Variants in LURAP1L observed in about 807,000 individuals in gnomAD.
The protein encoded by LURAP1L is leucine rich adaptor protein 1-like.
A neutral mutation model predicts 13.8 loss-of-function variants in LURAP1L; 12 were observed. That is an observed-to-expected ratio of 0.87 (90% CI 0.56 to 1.41). The LOEUF (loss-of-function observed/expected upper bound fraction) is 1.41, where lower values mean the gene tolerates loss of function less well. Ranked by LOEUF, LURAP1L falls within the 40% of genes most tolerant of loss-of-function variation. The pLI is 0.00. For synonymous variants in LURAP1L, 139 were observed against 119.2 expected, an observed-to-expected ratio of 1.17 and a Z score of -1.08; for missense variants, 375 against 292.9, an observed-to-expected ratio of 1.28 and a Z score of -2.04.
At chr9:12,798,129 G>A (rs113435917) in intron 1 of LURAP1L, among the ~76,000 whole-genome samples, 2,111 of 152,200 alleles carry the variant, frequency 0.014, 45 homozygotes, top group African/African-American at 0.049. Context: ...GTATAAAATT[G>A]TAAATGCTTC....
intron 1 of LURAP1L, among the ~76,000 whole-genome samples, chr9:12,815,232 G>A (rs1028551105): frequency 2.0e-5 from 3 of 152,124 alleles, no homozygotes; most frequent in African/African-American, 7.2e-5. Flanking sequence ...TTTGGAGAGA[G>A]GGCAAATTTG....
chr9:12,797,033 C>G (rs372066602), intron 1 of LURAP1L, among the ~76,000 whole-genome samples: 1 of 151,940 alleles, frequency 6.6e-6, no homozygotes, highest in African/African-American at 2.4e-5. Flanking sequence ...CACTGGGGTT[C>G]TTTCTTGTCA....
At chr9:12,821,251 C>T in intron 1 of LURAP1L, 135 bp from the exon 2 acceptor site, 1 of 1,049,182 alleles carries the variant, frequency 9.5e-7, no homozygotes, top group Non-Finnish European at 1.4e-6. Flanking sequence ...TCAAAAAGTT[C>T]CTGACAACCA....
intron 1 of LURAP1L, among the ~76,000 whole-genome samples, chr9:12,784,413 GC>G (rs1819321048): frequency 6.6e-6 from 1 of 152,186 alleles, no homozygotes; most frequent in Non-Finnish European, 1.5e-5. Flanking sequence ...AGCCATATCT[GC>G]CCAAGCCCAA....
intron 1 of LURAP1L, among the ~76,000 whole-genome samples, chr9:12,789,678 A>G (rs897288089): frequency 2.0e-5 from 3 of 152,186 alleles, no homozygotes; most frequent in African/African-American, 7.2e-5. Flanking sequence ...GTTGACAACT[A>G]CTTTAAGAAA....
intron 1 of LURAP1L, among the ~76,000 whole-genome samples, chr9:12,805,704 G>A (rs1323602783): frequency 1.3e-5 from 2 of 152,104 alleles, no homozygotes; most frequent in African/African-American, 4.8e-5. Flanking sequence ...GCTAATTATT[G>A]TCATTCCAAA....
At chr9:12,779,144 A>G (rs768480954) in intron 1 of LURAP1L, among the ~76,000 whole-genome samples, 2 of 152,192 alleles carry the variant, frequency 1.3e-5, no homozygotes, top group Non-Finnish European at 2.9e-5. Flanking sequence ...TAGGTAACTA[A>G]AAGCAAAGCC....
chr9:12,821,015 G>A (rs890651788), intron 1 of LURAP1L, among the ~76,000 whole-genome samples: 3 of 152,008 alleles, frequency 2.0e-5, no homozygotes, highest in African/African-American at 4.8e-5. Context: ...TTCTCCCCAC[G>A]ACTCAGGACC....
chr9:12,802,259 A>G (rs1202744308), intron 1 of LURAP1L, among the ~76,000 whole-genome samples: 1 of 152,076 alleles, frequency 6.6e-6, no homozygotes, highest in Non-Finnish European at 1.5e-5. Context: ...TATGGTTTGG[A>G]TCTGTGTCCC....
At position 12,791,543 on chromosome 9, in the gene LURAP1L, G is replaced by A. The variant is rs553540927; in HGVS notation, c.312+15516G>A. 5.9e-5 allele frequency among the ~76,000 whole-genome samples: 9 copies of A among 151,862 alleles called. No homozygotes were observed. In the South Asian group the frequency reaches 8.3e-4, roughly 14 times the overall value. ...GTTTTGAAATAATTCCAGACTTTAC[G>A]TAAAAATTGCAAAAGAGTACCAAAA... On this transcript the variant is annotated intron_variant, in intron 1 of 1. Transcript: ENST00000319264.
intron 1 of LURAP1L, chr9:12,790,632 G>A (rs1280377772): frequency 2.0e-5 from 3 of 152,188 alleles, no homozygotes; most frequent in Admixed American, 6.5e-5. Context: ...GCTTTGAAAT[G>A]CTGCAGGAGA....
rs1339907328 is a variant in LURAP1L, at chr9:12,801,032, A to ATT, written c.313-20353_313-20352insTT. 2.0e-5 allele frequency among the ~76,000 whole-genome samples: 3 copies of ATT among 152,192 alleles called. No individual in the cohort carries two copies. In the East Asian group the frequency reaches 5.8e-4, roughly 29 times the overall value. ...AAGATCTATTTAATTTTGACTAGGC[A>ATT]TAATGTTAATTATGATACCTAGGTA... On this transcript the variant is annotated intron_variant, in intron 1 of 1. Transcript: ENST00000319264.
At chr9:12,789,713 C>A (rs575442526) in intron 1 of LURAP1L, among the ~76,000 whole-genome samples, 1 of 152,268 alleles carries the variant, frequency 6.6e-6, no homozygotes, top group African/African-American at 2.4e-5. Context: ...TCTACAGTTT[C>A]TTCATAGGGC....
intron 1 of LURAP1L, among the ~76,000 whole-genome samples, chr9:12,785,008 C>T (rs904653370): frequency 6.6e-6 from 1 of 151,816 alleles, no homozygotes; most frequent in Non-Finnish European, 1.5e-5. Context: ...TGCCCTAGGC[C>T]CATGGCAAGT....
chr9:12,803,009 C>A (rs935358930), intron 1 of LURAP1L, among the ~76,000 whole-genome samples: 1 of 152,176 alleles, frequency 6.6e-6, no homozygotes, highest in South Asian at 2.1e-4. Flanking sequence ...AAAAATGAAT[C>A]CATACTTACT....
At chr9:12,791,239 C>A (rs1435659135) in intron 1 of LURAP1L, among the ~76,000 whole-genome samples, 2 of 152,064 alleles carry the variant, frequency 1.3e-5, no homozygotes, top group East Asian at 3.9e-4. Context: ...AAGGAATCGA[C>A]CTGTTTTTCT....
intron 1 of LURAP1L, among the ~76,000 whole-genome samples, chr9:12,818,214 C>T (rs1026749261): frequency 2.6e-5 from 4 of 151,856 alleles, no homozygotes; most frequent in African/African-American, 7.3e-5. Context: ...TAGTCCACTC[C>T]TCTTTTCTTC....
In LURAP1L at chr9:12,821,945, C is replaced by G. The variant is rs904745511; in HGVS notation, c.*185C>G. 5 of 561,684 alleles carry G rather than the reference C, an allele frequency of 8.9e-6. No individual in the cohort carries two copies. The highest frequency in any genetic ancestry group is 7.6e-5 in the African/African-American group (4 of 52,858). 34.8% of individuals were successfully genotyped at this position (561,684 alleles called of 1,614,324 possible). A position where few individuals can be genotyped will look rare whatever the true frequency, so the allele number is the denominator to read the frequency against. ...CTCATCTGAGCTGATTTATTTTTCT[C>G]TGTTACATCTCTATTTTTTATTTAT... is the stretch of plus-strand genomic sequence containing the variant. On this transcript the variant is annotated 3_prime_UTR_variant, in exon 2 of 2. Coordinates refer to ENST00000319264, the MANE Select transcript of LURAP1L (RefSeq NM_203403.2).
At chr9:12,813,575 G>C (rs1241515828) in intron 1 of LURAP1L, among the ~76,000 whole-genome samples, 2 of 152,116 alleles carry the variant, frequency 1.3e-5, no homozygotes, top group Non-Finnish European at 2.9e-5. Flanking sequence ...AGACTTAAGT[G>C]ATAGAGAAAA....
Sources: gnomAD v4.1 joint callset for allele counts (sites outside exome capture counted in the v4.1 genomes callset) on GRCh38, gnomAD v4.1.1 for gene constraint, MANE v1.5 for transcripts, NCBI Gene and HGNC (gene_info 2026-07-23, HGNC 2026-07-21) for gene names.